The following DAW1 variants were observed in gnomAD, a reference collection of about 807,000 sequenced individuals.
The protein encoded by DAW1 is dynein assembly factor with WD repeats 1, also known as dynein assembly factor with WD repeat domains 1.
A neutral mutation model predicts 56.5 loss-of-function variants in DAW1; 47 were observed. The observed-to-expected ratio is 0.83, with a 90% confidence interval of 0.66 to 1.06. The LOEUF (loss-of-function observed/expected upper bound fraction) is 1.06, where lower values mean the gene tolerates loss of function less well. Among genes scored for constraint, DAW1 ranks in the 50% least tolerant of loss-of-function variants. The probability of loss-of-function intolerance (pLI) is 0.00; values close to 1 mark genes in which losing one functional copy is unlikely to be tolerated. For synonymous variants in DAW1, 190 were observed against 179.0 expected, an observed-to-expected ratio of 1.06 and a Z score of -0.49; for missense variants, 505 against 499.3, an observed-to-expected ratio of 1.01 and a Z score of -0.11.
At chr2:227,922,130 G>A (rs1462861639) in intron 12 of DAW1, among the ~76,000 whole-genome samples, 1 of 152,204 alleles carries the variant, frequency 6.6e-6, no homozygotes. Flanking sequence ...TCCAGTCTGG[G>A]TGACAGAGTA....
chr2:227,905,944 C>T (rs1332477291), intron 8 of DAW1, among the ~76,000 whole-genome samples: 3 of 152,064 alleles, frequency 2.0e-5, no homozygotes, highest in African/African-American at 4.8e-5. Context: ...TTAGTAGAGA[C>T]GGGGCTTCAC....
chr2:227,903,987 C>T (rs576656508), intron 7 of DAW1, among the ~76,000 whole-genome samples: 11 of 124,660 alleles, frequency 8.8e-5, no homozygotes, highest in South Asian at 2.6e-4. Context: ...GTTCTTTTTT[C>T]GTTTTTTTTT....
intron 1 of DAW1, among the ~76,000 whole-genome samples, chr2:227,881,983 C>T (rs1433638973): frequency 6.6e-6 from 1 of 152,066 alleles, no homozygotes; most frequent in Non-Finnish European, 1.5e-5. Context: ...AACTCCTGAC[C>T]TCAAGTGATC....
intron 10 of DAW1, among the ~76,000 whole-genome samples, chr2:227,915,384 T>TGC (rs1299113719): frequency 6.6e-6 from 1 of 152,134 alleles, no homozygotes; most frequent in Non-Finnish European, 1.5e-5. Flanking sequence ...ACTATGTATA[T>TGC]GCTATTCTAT....
chr2:227,872,921 A>G (rs1185388030), intron 1 of DAW1, among the ~76,000 whole-genome samples: 1 of 152,094 alleles, frequency 6.6e-6, no homozygotes, highest in African/African-American at 2.4e-5. Flanking sequence ...CCTACAATCC[A>G]TCTGCCACTA....
intron 11 of DAW1, among the ~76,000 whole-genome samples, 161 bp from the exon 12 acceptor site, chr2:227,921,238 A>G (rs1365094963): frequency 6.7e-6 from 1 of 148,562 alleles, no homozygotes; most frequent in Non-Finnish European, 1.5e-5. Context: ...ATTTTTTTCC[A>G]TTATGAAGAA....
intron 5 of DAW1, among the ~76,000 whole-genome samples, chr2:227,895,955 G>A (rs1044421324): frequency 6.6e-6 from 1 of 152,124 alleles, no homozygotes. Context: ...AGGAAGAATA[G>A]AGGAATTTCA....
intron 4 of DAW1, among the ~76,000 whole-genome samples, chr2:227,892,587 A>G (rs1691290554): frequency 6.6e-6 from 1 of 152,210 alleles, no homozygotes. Context: ...TATAGTTGCA[A>G]ATGCGAGTTT....
At position 227,893,185 on chromosome 2, in the gene DAW1, G is replaced by A. The variant is rs372162872; in HGVS notation, c.318-610G>A. Among the ~76,000 whole-genome samples, 54 of 150,048 alleles carry A rather than the reference G, an allele frequency of 3.6e-4. No homozygotes were observed. In the East Asian group the frequency reaches 8.2e-3, roughly 23 times the overall value. On this transcript the variant is annotated intron_variant, in intron 4 of 12. Coordinates refer to ENST00000309931, the MANE Select transcript of DAW1 (RefSeq NM_178821.3). ...CCTGGGAGGCTGAGGCAGGATAATC[G>A]CTTGAACCCCGGAGGCAGAGGTGGC...
intron 10 of DAW1, among the ~76,000 whole-genome samples, chr2:227,908,030 C>A (rs1220956357): frequency 6.6e-6 from 1 of 152,198 alleles, no homozygotes; most frequent in Non-Finnish European, 1.5e-5. Flanking sequence ...TGTGATTCTA[C>A]ACTATGTGTC....
chr2:227,906,034 C>T (rs1450458639), intron 8 of DAW1, among the ~76,000 whole-genome samples: 1 of 152,142 alleles, frequency 6.6e-6, no homozygotes, highest in Non-Finnish European at 1.5e-5. Flanking sequence ...GGGTTACAAG[C>T]GTGAGCCACC....
intron 1 of DAW1, 61 bp from the exon 2 acceptor site, chr2:227,885,290 T>C (rs1691097163): frequency 1.6e-6 from 2 of 1,225,230 alleles, no homozygotes; most frequent in East Asian, 5.1e-5. Flanking sequence ...GCAAGGTAGG[T>C]TAACTTTTGA....
In DAW1 at chr2:227,876,469, G is replaced by C. The variant is rs745947191; in HGVS notation, c.40+4740G>C. The C allele has an allele frequency of 3.1e-6, 4 of 1,302,724 alleles. No individual in the cohort carries two copies. The South Asian group carries it at 3.7e-5, about 12-fold the overall frequency. 80.7% of individuals were successfully genotyped at this position (1,302,724 alleles called of 1,614,324 possible). The stretch of plus-strand genomic sequence containing the variant: ...CTTTGGTGAGCCAAATCATATGCAA[G>C]TTTCCAAGATACTACTGAATAGCAG... On this transcript the variant is annotated intron_variant, in intron 1 of 12. Coordinates refer to ENST00000309931, the MANE Select transcript of DAW1 (RefSeq NM_178821.3).
rs552757908 is a variant in DAW1, at chr2:227,887,433, G to A, written c.113+2010G>A. ...ACACATATGTAAGAATCTAATCTGGGTTAGATTCTATAAGAGGCTATAAAG... is the reference window on the plus strand; with the variant it reads ...ACACATATGTAAGAATCTAATCTGGATTAGATTCTATAAGAGGCTATAAAG... On this transcript the variant is annotated intron_variant, in intron 2 of 12. Coordinates refer to ENST00000309931, the MANE Select transcript of DAW1 (RefSeq NM_178821.3). Among the ~76,000 whole-genome samples, 404 of 152,200 alleles carry A rather than the reference G, an allele frequency of 2.7e-3. 2 individuals are homozygous for A. The highest frequency in any genetic ancestry group is 9.3e-3 in the African/African-American group (384 of 41,508).
chr2:227,906,318 T>A lies in DAW1; in HGVS notation c.838T>A (p.Ser280Thr), dbSNP rs1267812781. The A allele has an allele frequency of 6.2e-7, 1 of 1,611,532 alleles. No individual in the cohort carries two copies. Among genetic ancestry groups the A allele is most frequent in the South Asian group, 1.1e-5 (1 of 90,724 alleles). The change falls in exon 9 of 13, where the codon TCT (serine) becomes ACT (threonine). Residue 280 changes from serine to threonine, a missense_variant. Coordinates refer to ENST00000309931, the MANE Select transcript of DAW1 (RefSeq NM_178821.3). Reference protein sequence around the residue: ...NWDCSLILTGSMDKTCKLWDA... With the variant: ...NWDCSLILTGTMDKTCKLWDA... ...GGATTGCTCTCTAATATTAACTGGCTCTATGGACAAAACCTGCAAGGTGAG... is the reference window on the plus strand; with the variant it reads ...GGATTGCTCTCTAATATTAACTGGCACTATGGACAAAACCTGCAAGGTGAG...
chr2:227,904,623 C>T (rs1475399415), intron 7 of DAW1, among the ~76,000 whole-genome samples: 4 of 152,154 alleles, frequency 2.6e-5, no homozygotes. Flanking sequence ...CAAATACAAC[C>T]TCTTTCTTTT....
Position 227,871,696 on chromosome 2 carries a change from C to T in DAW1, c.7C>T (p.Leu3Phe). 6.2e-7 allele frequency: 1 copy of T among 1,613,822 alleles called. No individual in the cohort carries two copies. Among genetic ancestry groups the T allele is most frequent in the Non-Finnish European group, 8.5e-7 (1 of 1,179,872 alleles). Residue 3 changes from leucine (L) to phenylalanine (F), a missense_variant, in exon 1 of 13, where the codon CTC becomes TTC. Coordinates refer to ENST00000309931, the MANE Select transcript of DAW1 (RefSeq NM_178821.3). ...GGGATAAGAGAGCAAGAAAATGAAG[C>T]TCAAGAGCCTCCTGCTCCGGTATTA... MKLKSLLLRYYPP... is the reference protein window; with the variant it reads MKFKSLLLRYYPP...
intron 10 of DAW1, chr2:227,912,128 T>C: frequency 2.8e-6 from 1 of 362,742 alleles, no homozygotes; most frequent in Non-Finnish European, 5.4e-6. Context: ...TACTGACTTA[T>C]GTGTGTACAT....
intron 12 of DAW1, among the ~76,000 whole-genome samples, 195 bp downstream of exon 12, chr2:227,921,756 A>C (rs1345876774): frequency 6.6e-6 from 1 of 152,108 alleles, no homozygotes; most frequent in African/African-American, 2.4e-5. Context: ...GCTGCCATTG[A>C]CTGTAGTAAG....
Sources: gnomAD v4.1 joint callset for allele counts (sites outside exome capture counted in the v4.1 genomes callset) on GRCh38, gnomAD v4.1.1 for gene constraint, MANE v1.5 for transcripts, NCBI Gene and HGNC (gene_info 2026-07-23, HGNC 2026-07-21) for gene names.